RPTOR: variants seen among roughly 807,000 people sequenced by gnomAD.
RPTOR encodes regulatory-associated protein of mTOR.
RPTOR carries 21 observed loss-of-function variants against 169.9 expected under a neutral mutation model. The observed-to-expected ratio is 0.12, with a 90% CI of 0.09 to 0.18. The LOEUF (loss-of-function observed/expected upper bound fraction) is 0.18, where lower values mean the gene tolerates loss of function less well. Ranked by LOEUF, RPTOR falls within the 10% of genes least tolerant of loss-of-function variation. RPTOR has a pLI of 1.00. For missense variants in RPTOR, 1,133 were observed against 1,855.9 expected, an observed-to-expected ratio of 0.61 and a Z score of 7.16; for synonymous variants, 732 against 753.2, an observed-to-expected ratio of 0.97 and a Z score of 0.46.
Position 80,695,344 on chromosome 17 carries a change from T to C in RPTOR, c.349-12497T>C, listed in dbSNP as rs1208259140. On this transcript the variant is annotated intron_variant, in intron 3 of 33. Transcript: ENST00000306801. The surrounding 1 kb of genome is among the most constrained non-coding windows in gnomAD (Gnocchi z 4.9). ...TTGTTTGTGGAGGAGAAAATTGAGG[T>C]TTGGTTTTGTTCATGACGTTGCCAG... is the stretch of plus-strand genomic sequence containing the variant. Among the ~76,000 whole-genome samples the C allele has an allele frequency of 6.6e-6, 1 of 152,014 alleles. No homozygotes were observed. Among genetic ancestry groups the C allele is most frequent in the Non-Finnish European group, 1.5e-5 (1 of 67,984 alleles).
rs1258029801 is a variant in RPTOR at position 80,908,937 on chromosome 17, C to T, written c.2520+8C>T. 6.3e-7 allele frequency: 1 copy of T among 1,593,030 alleles called. No homozygotes were observed. Among genetic ancestry groups the T allele is most frequent in the African/African-American group, 1.3e-5 (1 of 74,580 alleles). ...AACAGCATCGCCTACAAGGTACGTG[C>T]CGGGCGCTCCCCACCGCGCTCCAGC... On this transcript the variant is annotated splice_region_variant and intron_variant, in intron 21 of 33. Transcript: ENST00000306801.
chr17:80,597,589 C>T (rs538024121), intron 1 of RPTOR, among the ~76,000 whole-genome samples: 6 of 152,118 alleles, frequency 3.9e-5, no homozygotes, highest in South Asian at 2.1e-4. Flanking sequence ...GAGTGCAGTG[C>T]GATCTCGGCT....
chr17:80,708,076 C>A lies in RPTOR; in HGVS notation c.507+77C>A. ...TGCGGTGGTCGGAGCAGGTCCTGCC[C>A]ATCCGTAGCTTCTGTTAAGCCATTG... On this transcript the variant is annotated intron_variant, in intron 4 of 33. Transcript: ENST00000306801. This position sits in a 1 kb window ranked among gnomAD's most constrained non-coding sequence, Gnocchi z 4.2. The A allele has an allele frequency of 7.2e-7, 1 of 1,396,948 alleles. No individual in the cohort carries two copies. Among genetic ancestry groups the A allele is most frequent in the East Asian group, 2.4e-5 (1 of 41,912 alleles). The allele number at this position is 1,396,948 out of a possible 1,614,324, so 86.5% of individuals were successfully genotyped here. A position where few individuals can be genotyped will look rare whatever the true frequency, so the allele number is the denominator to read the frequency against.
chr17:80,888,001 C>A (rs62068460), intron 17 of RPTOR, among the ~76,000 whole-genome samples: 1 of 152,090 alleles, frequency 6.6e-6, no homozygotes, highest in Non-Finnish European at 1.5e-5. Context: ...CTGCCTGGGC[C>A]GGGCTGGGCA....
At chr17:80,632,702 G>A (rs1216018273) in intron 2 of RPTOR, among the ~76,000 whole-genome samples, 1 of 152,098 alleles carries the variant, frequency 6.6e-6, no homozygotes, top group Non-Finnish European at 1.5e-5. Context: ...GGTGATGGTG[G>A]TTTTAACAAT....
intron 3 of RPTOR, among the ~76,000 whole-genome samples, chr17:80,689,203 C>T (rs1321571991): frequency 1.3e-5 from 2 of 152,200 alleles, no homozygotes; most frequent in African/African-American, 4.8e-5. Context: ...CCCAGACAGC[C>T]AGAAGCTAGT....
chr17:80,923,664 C>T lies in RPTOR; in HGVS notation c.2799C>T (p.Gly933=). ...GGACACGGAAGATGTTCGACAAGGG[C>T]CCAGAGCAGGTACGGGAGCCCGGCT... is the stretch of plus-strand genomic sequence containing the variant. ...FPRTRKMFDK[G]PEQTADDADD... is the part of the protein sequence containing the mutation. The change falls in exon 23 of 34, where the codon GGC becomes GGT. Residue 933 remains glycine (G), a synonymous_variant. Coordinates refer to ENST00000306801, the MANE Select transcript of RPTOR (RefSeq NM_020761.3). The T allele has an allele frequency of 1.4e-5, 22 of 1,600,334 alleles. No individual in the cohort carries two copies. Among genetic ancestry groups the T allele is most frequent in the Non-Finnish European group, 1.8e-5 (21 of 1,170,928 alleles).
chr17:80,714,558 AT>A (rs2066224084), intron 4 of RPTOR, among the ~76,000 whole-genome samples: 1 of 152,242 alleles, frequency 6.6e-6, no homozygotes, highest in Admixed American at 6.5e-5. Context: ...GAAATACCAC[AT>A]GAGTCAAAGA....
chr17:80,620,658 T>C (rs892761539), intron 1 of RPTOR, among the ~76,000 whole-genome samples: 1 of 152,078 alleles, frequency 6.6e-6, no homozygotes, highest in Non-Finnish European at 1.5e-5. Context: ...CCCAGCTACT[T>C]GGGAGGCTGA....
chr17:80,944,555 G>A (rs1381047847), intron 25 of RPTOR, among the ~76,000 whole-genome samples: 1 of 152,178 alleles, frequency 6.6e-6, no homozygotes, highest in Non-Finnish European at 1.5e-5. Flanking sequence ...CACCCCAAGA[G>A]CCCAGATGTG....
chr17:80,583,234 G>T (rs1233845296), intron 1 of RPTOR, among the ~76,000 whole-genome samples: 1 of 128,028 alleles, frequency 7.8e-6, no homozygotes, highest in Non-Finnish European at 1.6e-5. Flanking sequence ...TGTTGCCCAG[G>T]CTGGAGTGCA....
chr17:80,820,287 T>G lies in RPTOR; in HGVS notation c.891-1914T>G, dbSNP rs1411293168. Among the ~76,000 whole-genome samples the G allele has an allele frequency of 6.6e-6, 1 of 151,988 alleles. No homozygotes were observed. Among genetic ancestry groups the G allele is most frequent in the Non-Finnish European group, 1.5e-5 (1 of 68,006 alleles). ...GAACAGTTATTGACGATCTTGTCAGTCATTTCATTAAAACGGTTTTCAGCA... is the reference window on the plus strand; with the variant it reads ...GAACAGTTATTGACGATCTTGTCAGGCATTTCATTAAAACGGTTTTCAGCA... On this transcript the variant is annotated intron_variant, in intron 7 of 33. Transcript: ENST00000306801. This position sits in a 1 kb window ranked among gnomAD's most constrained non-coding sequence, Gnocchi z 4.1.
rs533542132 is a variant in RPTOR at position 80,823,180 on chromosome 17, G to T, written c.1093G>T (p.Val365Phe). Residue 365 changes from valine to phenylalanine, a missense_variant, in exon 9 of 34, where the codon GTC becomes TTC. Val to Phe is a conservative substitution (Grantham distance 50). Coordinates refer to ENST00000306801, the MANE Select transcript of RPTOR (RefSeq NM_020761.3). The surrounding 1 kb of genome is among the most constrained non-coding windows in gnomAD (Gnocchi z 4.5). Reference protein sequence around the residue: ...RIMRSYNCTPVSSPRLPPTYM... With the variant: ...RIMRSYNCTPFSSPRLPPTYM... ...TATGAGGTCGTATAACTGCACTCCC[G>T]TCAGCAGCCCGCGTCTGCCGCCCAC... is the stretch of plus-strand genomic sequence containing the variant. 6.2e-7 allele frequency: 1 copy of T among 1,614,104 alleles called. No homozygotes were observed. The highest frequency in any genetic ancestry group is 1.1e-5 in the South Asian group (1 of 91,078).
chr17:80,789,724 G>A (rs1481573335), intron 6 of RPTOR, among the ~76,000 whole-genome samples: 1 of 152,152 alleles, frequency 6.6e-6, no homozygotes, highest in Non-Finnish European at 1.5e-5. Context: ...AGCACCCTTG[G>A]GAAAAGCCAG....
intron 1 of RPTOR, among the ~76,000 whole-genome samples, chr17:80,612,599 T>C (rs1230903675): frequency 6.6e-6 from 1 of 152,254 alleles, no homozygotes; most frequent in Non-Finnish European, 1.5e-5. Context: ...GCCTGTGTCT[T>C]ATGTACAAAG....
At chr17:80,747,960 T>A (rs2066592307) in intron 5 of RPTOR, among the ~76,000 whole-genome samples, 1 of 151,198 alleles carries the variant, frequency 6.6e-6, no homozygotes, top group African/African-American at 2.4e-5. Flanking sequence ...ACCTGTTGGA[T>A]GGAGGGACTG....
Position 80,779,932 on chromosome 17 carries a change from G to A in RPTOR, c.831-11518G>A, listed in dbSNP as rs1461552884. On this transcript the variant is annotated intron_variant, in intron 6 of 33. Transcript: ENST00000306801. ...CTCTTCCTTAGCCCCCAGTTTTTGC[G>A]GTGGCTTAAGGCTCTGCAGGAGTCG... Among the ~76,000 whole-genome samples the A allele has an allele frequency of 3.3e-5, 5 of 152,094 alleles. No individual in the cohort carries two copies. In the South Asian group the frequency reaches 6.2e-4, roughly 19 times the overall value.
At chr17:80,780,123 T>A (rs1220486462) in intron 6 of RPTOR, among the ~76,000 whole-genome samples, 1 of 152,204 alleles carries the variant, frequency 6.6e-6, no homozygotes, top group Non-Finnish European at 1.5e-5. Context: ...TCTATTAAGT[T>A]AATGGGCACA....
At chr17:80,575,525 G>A (rs979059321) in intron 1 of RPTOR, among the ~76,000 whole-genome samples, 4 of 152,192 alleles carry the variant, frequency 2.6e-5, no homozygotes, top group African/African-American at 9.7e-5. Flanking sequence ...TGCGAATGGC[G>A]CCCCCTCGTG....
Sources: gnomAD v4.1 joint callset for allele counts (sites outside exome capture counted in the v4.1 genomes callset) on GRCh38, gnomAD v4.1.1 for gene constraint, Gnocchi (gnomAD v3.1) non-coding constraint, MANE v1.5 for transcripts, NCBI Gene and HGNC (gene_info 2026-07-23, HGNC 2026-07-21) for gene names.